Variants in CEP57L1 observed in about 807,000 individuals in gnomAD.
The protein encoded by CEP57L1 is centrosomal protein CEP57L1.
In CEP57L1, 37 loss-of-function variants were observed where a neutral mutation model predicts 61.0. The ratio of observed to expected loss-of-function variants is 0.61; its 90% confidence interval spans 0.47 to 0.80. The LOEUF (loss-of-function observed/expected upper bound fraction) is 0.80. Among genes scored for constraint, CEP57L1 ranks in the 30% least tolerant of loss-of-function variants. CEP57L1 has a pLI of 0.00. For synonymous variants in CEP57L1, 137 were observed against 162.3 expected (o/e 0.84, Z 1.19); for missense variants, 422 against 524.7 (o/e 0.80, Z 1.91).
rs1773408999 is a variant in CEP57L1, at chr6:109,125,229, G to A, written c.-3-19990G>A. ...GGTTAAATTGTGTTGAATATACTCTGTCTAAAAGGAAGGAAAGCAGTTTAA... is the reference window on the plus strand; with the variant it reads ...GGTTAAATTGTGTTGAATATACTCTATCTAAAAGGAAGGAAAGCAGTTTAA... On this transcript the variant is annotated intron_variant, in intron 1 of 10. Coordinates refer to ENST00000517392, the MANE Select transcript of CEP57L1 (RefSeq NM_001271852.3). Among the ~76,000 whole-genome samples the A allele has an allele frequency of 8.5e-5, 13 of 152,074 alleles. No homozygotes were observed. In the South Asian group the frequency reaches 2.5e-3, roughly 29 times the overall value.
At chr6:109,155,615 T>C (rs1381752543) in intron 6 of CEP57L1, among the ~76,000 whole-genome samples, 176 bp from the exon 7 acceptor site, 1 of 151,980 alleles carries the variant, frequency 6.6e-6, no homozygotes, top group East Asian at 1.9e-4. Context: ...CAGAAAATTA[T>C]TGTAATTACC....
At chr6:109,112,961 T>C (rs1771840456) in intron 1 of CEP57L1, among the ~76,000 whole-genome samples, 1 of 152,146 alleles carries the variant, frequency 6.6e-6, no homozygotes, top group African/African-American at 2.4e-5. Context: ...AAGTGTGATG[T>C]GGTGCTGAGA....
At chr6:109,130,148 G>A (rs917531119) in intron 1 of CEP57L1, among the ~76,000 whole-genome samples, 5 of 151,914 alleles carry the variant, frequency 3.3e-5, no homozygotes, top group African/African-American at 1.2e-4. Context: ...CCCCTACTAC[G>A]CATTGTTATG....
At chr6:109,102,435 T>G (rs1422655290) in intron 1 of CEP57L1, among the ~76,000 whole-genome samples, 1 of 152,228 alleles carries the variant, frequency 6.6e-6, no homozygotes, top group East Asian at 1.9e-4. Flanking sequence ...TTGTAAATAT[T>G]TTCTCCAAGT....
chr6:109,097,623 A>C (rs976516190), intron 1 of CEP57L1, among the ~76,000 whole-genome samples: 2 of 152,192 alleles, frequency 1.3e-5, no homozygotes, highest in African/African-American at 4.8e-5. Context: ...AAAAATTCCT[A>C]CTGTCATAGA....
chr6:109,150,210 CGAGAA>C lies in CEP57L1; in HGVS notation c.434_438del (p.Arg145GlnfsTer27). ...AAAGAGAATGGTTCTCAACGTAGAG[CGAGAA>C]AAGAACATGATCCTAGAACAACAGG... On this transcript the variant is annotated frameshift_variant, in exon 4 of 11. Transcript: ENST00000517392. LOFTEE classifies it high-confidence loss of function. 2 of 1,602,788 alleles carry C rather than the reference CGAGAA, an allele frequency of 1.2e-6. No homozygotes were observed. The highest frequency in any genetic ancestry group is 1.7e-6 in the Non-Finnish European group (2 of 1,170,416).
intron 4 of CEP57L1, among the ~76,000 whole-genome samples, 196 bp from the exon 5 acceptor site, chr6:109,153,637 G>GA (rs1226491025): frequency 1.3e-5 from 2 of 151,738 alleles, no homozygotes; most frequent in Non-Finnish European, 2.9e-5. Flanking sequence ...CTTTAAGGTT[G>GA]AAAAAAATAA....
At chr6:109,114,472 A>C (rs1335772783) in intron 1 of CEP57L1, among the ~76,000 whole-genome samples, 3 of 152,138 alleles carry the variant, frequency 2.0e-5, no homozygotes, top group Non-Finnish European at 4.4e-5. Context: ...ATGTATATAG[A>C]AACAACAGAA....
intron 1 of CEP57L1, among the ~76,000 whole-genome samples, chr6:109,128,251 C>T (rs1458006605): frequency 1.3e-5 from 2 of 152,194 alleles, no homozygotes; most frequent in South Asian, 2.1e-4. Context: ...AGACTTGTAG[C>T]CCCTTTTATA....
intron 1 of CEP57L1, among the ~76,000 whole-genome samples, chr6:109,097,225 T>G (rs917491651): frequency 2.6e-5 from 4 of 152,192 alleles, no homozygotes; most frequent in Admixed American, 6.5e-5. Context: ...CCTTCAAATA[T>G]ATTTTTCTCT....
At chr6:109,155,616 T>C (rs1025343328) in intron 6 of CEP57L1, among the ~76,000 whole-genome samples, 175 bp from the exon 7 acceptor site, 2 of 151,960 alleles carry the variant, frequency 1.3e-5, no homozygotes, top group African/African-American at 4.8e-5. Flanking sequence ...AGAAAATTAT[T>C]GTAATTACCA....
intron 1 of CEP57L1, among the ~76,000 whole-genome samples, chr6:109,127,356 G>A (rs1464681902): frequency 3.3e-5 from 5 of 151,914 alleles, no homozygotes; most frequent in African/African-American, 9.7e-5. Flanking sequence ...CCATCTCATC[G>A]TCTTGTGTGA....
rs1002354607 is a variant in CEP57L1, at chr6:109,168,186, T to C, written c.*5216T>C. Reference sequence around the variant, plus strand: ...ATTTTTTGCCTGGTAGCAGTATTGGTCTAGGATTTTCACTCTTTATTAGGC... The same window carrying C: ...ATTTTTTGCCTGGTAGCAGTATTGGCCTAGGATTTTCACTCTTTATTAGGC... On this transcript the variant is annotated 3_prime_UTR_variant, in exon 11 of 11. Transcript: ENST00000517392. Among the ~76,000 whole-genome samples the C allele has an allele frequency of 2.0e-5, 3 of 152,242 alleles. No homozygotes were observed. Among genetic ancestry groups the C allele is most frequent in the Non-Finnish European group, 4.4e-5 (3 of 68,044 alleles).
At position 109,150,150 on chromosome 6, in the gene CEP57L1, C is replaced by T. The variant is rs371965299; in HGVS notation, c.373C>T (p.Arg125Cys). Residue 125 changes from arginine to cysteine, a missense_variant, in exon 4 of 11, where the codon CGT (arginine) becomes TGT (cysteine). By Grantham distance (180) the Arg-to-Cys change is radical. Transcript: ENST00000517392. ...TATACAGTTAAGCTCAGCCCAGTCT[C>T]GTTGTACTCTTCTAGAGAAGCAACT... ...ISIQLSSAQS[R>C]CTLLEKQLEY... The T allele has an allele frequency of 4.2e-5, 67 of 1,608,594 alleles. No individual in the cohort carries two copies. Among genetic ancestry groups the T allele is most frequent in the South Asian group, 2.6e-4 (24 of 90,954 alleles).
At chr6:109,108,238 T>C (rs1254535504) in intron 1 of CEP57L1, among the ~76,000 whole-genome samples, 3 of 151,114 alleles carry the variant, frequency 2.0e-5, no homozygotes, top group Non-Finnish European at 4.4e-5. Context: ...TCTACATTTT[T>C]CTCTTTTTTT....
chr6:109,124,419 A>T (rs1052223932), intron 1 of CEP57L1, among the ~76,000 whole-genome samples: 6 of 152,178 alleles, frequency 3.9e-5, no homozygotes, highest in Admixed American at 3.3e-4. Context: ...TTTTGCATAG[A>T]TAAGCAATAT....
intron 7 of CEP57L1, chr6:109,157,113 G>A (rs938127148): frequency 1.3e-5 from 2 of 152,014 alleles, no homozygotes; most frequent in African/African-American, 4.8e-5. Context: ...AAGAAATGAA[G>A]GAAAGAAAAG....
At chr6:109,145,194 T>C (rs1771820416) in intron 1 of CEP57L1, 25 bp from the exon 2 acceptor site, 2 of 1,339,850 alleles carry the variant, frequency 1.5e-6, no homozygotes, top group Non-Finnish European at 9.8e-7. Context: ...AGCATGATAC[T>C]ATATCATTCC....
intron 1 of CEP57L1, among the ~76,000 whole-genome samples, chr6:109,132,473 A>G (rs1460514699): frequency 6.6e-6 from 1 of 152,188 alleles, no homozygotes; most frequent in African/African-American, 2.4e-5. Context: ...TTGTTAGGAC[A>G]TTGTGTAAAT....
Sources: allele counts gnomAD v4.1 joint callset (sites outside exome capture counted in the v4.1 genomes callset), GRCh38; gene constraint gnomAD v4.1.1; transcripts MANE v1.5; gene names NCBI Gene and HGNC (gene_info 2026-07-23, HGNC 2026-07-21).